The following MADD variants were observed in gnomAD, a reference collection of about 807,000 sequenced individuals.
The protein encoded by MADD is MAP kinase activating death domain.
In MADD, 109 loss-of-function variants were observed where a neutral mutation model predicts 176.7. The ratio of observed to expected loss-of-function variants is 0.62; its 90% CI spans 0.53 to 0.72. The LOEUF (loss-of-function observed/expected upper bound fraction) is 0.72. Among genes scored for constraint, MADD ranks in the 30% least tolerant of loss-of-function variants. The pLI, the probability that MADD is intolerant of heterozygous loss-of-function variation, is 0.00. For synonymous variants in MADD, 771 were observed against 771.3 expected, an observed-to-expected ratio of 1.00 and a Z score of 0.01; for missense variants, 1,914 against 2,045.5, an observed-to-expected ratio of 0.94 and a Z score of 1.24.
At chr11:47,287,160 C>A (rs1241814651) in intron 15 of MADD, among the ~76,000 whole-genome samples, 1 of 152,158 alleles carries the variant, frequency 6.6e-6, no homozygotes, top group East Asian at 1.9e-4. Flanking sequence ...GCCGTCTCTG[C>A]TAAAAATACA....
chr11:47,279,907 C>T (rs2054731092), intron 7 of MADD, among the ~76,000 whole-genome samples: 1 of 151,918 alleles, frequency 6.6e-6, no homozygotes, highest in East Asian at 2.0e-4. Context: ...CCTGTCTCTA[C>T]TAAAAATACA....
chr11:47,325,229 C>CT lies in MADD; in HGVS notation c.4542+662dup, dbSNP rs201326499. On this transcript the variant is annotated intron_variant, in intron 30 of 32. Coordinates refer to ENST00000402192, the Ensembl canonical transcript of MADD. This position sits in a 1 kb window ranked among gnomAD's most constrained non-coding sequence, Gnocchi z 4.5. ...ATTGTAATTCCACCATAGGAGCTGA[C>CT]TTTTTTTTTTCTCTCTTGGTCTTTT... The CT allele has an allele frequency of 1.0e-3, 161 of 154,964 alleles. 1 individual carries two copies. The highest frequency in any genetic ancestry group is 7.5e-3 in the South Asian group (38 of 5,064). The allele number at this position is 154,964 out of a possible 1,614,324, so 9.6% of individuals were successfully genotyped here.
At chr11:47,285,035 T>C in exon 13 of MADD, 1 of 1,614,074 alleles carries the variant, frequency 6.2e-7, no homozygotes, top group East Asian at 2.2e-5. Context: ...AAATCGAACG[T>C]GGACAGACGT....
At chr11:47,313,567 C>T (rs898307042) in intron 26 of MADD, among the ~76,000 whole-genome samples, 3 of 151,720 alleles carry the variant, frequency 2.0e-5, no homozygotes, top group Admixed American at 2.0e-4. Context: ...TTTAGTCAAT[C>T]CGCCCACCTT....
rs146442754 is a variant in MADD, at chr11:47,328,091, C to A, written c.4613-567C>A. The A allele has an allele frequency of 6.7e-4, 668 of 995,908 alleles. 7 individuals are homozygous for A. In the African/African-American group the frequency reaches 0.011, roughly 16 times the overall value. The allele number at this position is 995,908 out of a possible 1,614,324, so 61.7% of individuals were successfully genotyped here. ...ACAGGCAGGTCTGGGCTTCTCCTGC[C>A]ACTCAGGGAAGGACACTGCCACATC... On this transcript the variant is annotated intron_variant, in intron 31 of 32. Coordinates refer to ENST00000402192, the Ensembl canonical transcript of MADD.
chr11:47,315,544 G>C (rs962767110), intron 27 of MADD, among the ~76,000 whole-genome samples: 3 of 151,752 alleles, frequency 2.0e-5, no homozygotes, highest in Non-Finnish European at 4.4e-5. Flanking sequence ...GCTTGATCTC[G>C]GCTCACTGCA....
At chr11:47,306,606 T>A (rs2082853650) in intron 22 of MADD, among the ~76,000 whole-genome samples, 1 of 151,776 alleles carries the variant, frequency 6.6e-6, no homozygotes, top group Non-Finnish European at 1.5e-5. Context: ...GAGAAGTTCC[T>A]CCTTGTTCCC....
chr11:47,293,838 C>A, intron 19 of MADD, 45 bp from the exon 22 acceptor site: 1 of 1,281,394 alleles, frequency 7.8e-7, no homozygotes, highest in Non-Finnish European at 1.1e-6. Flanking sequence ...ACCAGCCTGC[C>A]CCTAGCCTTT....
exon 14 of MADD, chr11:47,285,582 C>T: frequency 6.2e-7 from 1 of 1,614,122 alleles, no homozygotes; most frequent in Non-Finnish European, 8.5e-7. Flanking sequence ...GGCATCATGT[C>T]TTTTGCCAGT....
intron 20 of MADD, among the ~76,000 whole-genome samples, chr11:47,294,692 A>AT (rs2069072615): frequency 6.6e-6 from 1 of 151,140 alleles, no homozygotes; most frequent in African/African-American, 2.4e-5. Context: ...AAAAAAAAAA[A>AT]ATGAACAACC....
intron 25 of MADD, among the ~76,000 whole-genome samples, chr11:47,310,122 G>A (rs980457378): frequency 3.3e-5 from 5 of 151,296 alleles, no homozygotes; most frequent in South Asian, 2.1e-4. Flanking sequence ...GATTACAGGC[G>A]TGAGCCAGTG....
intron 22 of MADD, among the ~76,000 whole-genome samples, 198 bp from the exon 25 acceptor site, chr11:47,308,393 A>G (rs969583525): frequency 2.6e-5 from 4 of 152,248 alleles, no homozygotes; most frequent in African/African-American, 9.6e-5. Context: ...AAGATAAGTC[A>G]AAAATGAAAA....
intron 1 of MADD, among the ~76,000 whole-genome samples, chr11:47,271,419 C>T (rs1963406867): frequency 6.6e-6 from 1 of 152,186 alleles, no homozygotes; most frequent in South Asian, 2.1e-4. Context: ...ATTTATCCTA[C>T]CACCCGTAGC....
At chr11:47,290,096 A>T (rs751962326) in intron 17 of MADD, 43 bp downstream of exon 18, 2 of 1,612,376 alleles carry the variant, frequency 1.2e-6, no homozygotes, top group Admixed American at 1.7e-5. Flanking sequence ...GGAGAGAGGG[A>T]TGTGAACACC....
In MADD at chr11:47,311,963, A is replaced by T. The variant is rs1487813644; in HGVS notation, c.4089+121A>T. On this transcript the variant is annotated intron_variant, in intron 26 of 32. Transcript: ENST00000402192. The stretch of plus-strand genomic sequence containing the variant: ...AGTTGTCTTTGACTGTAAATGAGGC[A>T]TTAGTCCCTGTGTTCTGTGATGGGA... The T allele has an allele frequency of 1.3e-5, 8 of 628,990 alleles. No homozygotes were observed. The East Asian group carries it at 1.9e-4, about 15-fold the overall frequency. The allele number at this position is 628,990 out of a possible 1,614,324, so 39.0% of individuals were successfully genotyped here. A position where few individuals can be genotyped will look rare whatever the true frequency, so the allele number is the denominator to read the frequency against.
intron 22 of MADD, among the ~76,000 whole-genome samples, chr11:47,304,481 T>C (rs2080920748): frequency 6.6e-6 from 1 of 152,164 alleles, no homozygotes; most frequent in South Asian, 2.1e-4. Context: ...TCCACCCACC[T>C]CACCTCCCAA....
At chr11:47,322,256 T>C (rs944892725) in intron 27 of MADD, among the ~76,000 whole-genome samples, 1 of 152,162 alleles carries the variant, frequency 6.6e-6, no homozygotes, top group East Asian at 1.9e-4. Context: ...AGGCTGACTT[T>C]AGACCTGTGC....
intron 20 of MADD, 121 bp downstream of exon 22, chr11:47,294,104 C>G (rs970820505): frequency 2.5e-6 from 2 of 797,550 alleles, no homozygotes; most frequent in Non-Finnish European, 2.0e-6. Context: ...AATCCCAGCA[C>G]TTTGGGAGGC....
rs752874738 is a variant in MADD, at chr11:47,289,501, A to G, written c.2756+8A>G. 1.2e-6 allele frequency: 2 copies of G among 1,611,478 alleles called. No homozygotes were observed. Among genetic ancestry groups the G allele is most frequent in the Non-Finnish European group, 8.5e-7 (1 of 1,177,560 alleles). ...TCGATCCAGCAATTCTAGGTAATAA[A>G]TGGTAGAGCTGTTTTAAAAGTTCTC... On this transcript the variant is annotated splice_region_variant and intron_variant, in intron 16 of 32. Transcript: ENST00000402192.
Sources: allele counts gnomAD v4.1 joint callset (sites outside exome capture counted in the v4.1 genomes callset), GRCh38; gene constraint gnomAD v4.1.1; non-coding constraint Gnocchi (gnomAD v3.1); transcripts MANE v1.5; gene names NCBI Gene and HGNC (gene_info 2026-07-23, HGNC 2026-07-21).